The following ST6GALNAC3 variants were observed in gnomAD, a reference collection of about 807,000 sequenced individuals.
ST6GALNAC3 encodes the protein alpha-N-acetylgalactosaminide alpha-2,6-sialyltransferase 3.
ST6GALNAC3 carries 25 observed loss-of-function variants against 32.7 expected under a neutral mutation model. The observed-to-expected ratio is 0.76, with a 90% CI of 0.56 to 1.07. The LOEUF is 1.07. Ranked by LOEUF, ST6GALNAC3 falls within the 50% of genes least tolerant of loss-of-function variation. ST6GALNAC3 has a pLI of 0.00. For synonymous variants in ST6GALNAC3, 129 were observed against 133.1 expected (o/e 0.97, Z 0.21); for missense variants, 355 against 382.4 (o/e 0.93, Z 0.60).
intron 1 of ST6GALNAC3, among the ~76,000 whole-genome samples, chr1:76,281,376 G>T (rs1005394708): frequency 6.6e-6 from 1 of 152,188 alleles, no homozygotes; most frequent in African/African-American, 2.4e-5. Flanking sequence ...ACTCTCATTT[G>T]GTTCCACCCT....
At chr1:76,361,444 TA>T (rs1456286949) in intron 2 of ST6GALNAC3, among the ~76,000 whole-genome samples, 1 of 152,194 alleles carries the variant, frequency 6.6e-6, no homozygotes, top group Non-Finnish European at 1.5e-5. Context: ...CCATTTTACA[TA>T]TATACCACAT....
intron 1 of ST6GALNAC3, among the ~76,000 whole-genome samples, chr1:76,108,436 A>G (rs1571166479): frequency 6.6e-6 from 1 of 152,214 alleles, no homozygotes; most frequent in Non-Finnish European, 1.5e-5. Context: ...AGCTTGGTGC[A>G]CTACCTTTCT....
At chr1:76,280,718 C>A (rs1198495383) in intron 1 of ST6GALNAC3, among the ~76,000 whole-genome samples, 2 of 152,188 alleles carry the variant, frequency 1.3e-5, no homozygotes, top group Non-Finnish European at 2.9e-5. Flanking sequence ...TGGATTCAGA[C>A]CTCTTTACAA....
chr1:76,562,555 A>C (rs770476493), intron 3 of ST6GALNAC3, among the ~76,000 whole-genome samples: 4 of 152,092 alleles, frequency 2.6e-5, no homozygotes, highest in Admixed American at 6.6e-5. Context: ...TAGAAACCTC[A>C]CTTTATTTGA....
At chr1:76,460,998 G>T (rs1405969593) in intron 3 of ST6GALNAC3, among the ~76,000 whole-genome samples, 2 of 152,232 alleles carry the variant, frequency 1.3e-5, no homozygotes, top group Admixed American at 1.3e-4. Flanking sequence ...TGAGTAAGGT[G>T]AGTAGGAGTA....
At chr1:76,130,895 G>A (rs139575867) in intron 1 of ST6GALNAC3, among the ~76,000 whole-genome samples, 9 of 152,354 alleles carry the variant, frequency 5.9e-5, no homozygotes, top group Non-Finnish European at 1.3e-4. Context: ...GACATTTGAA[G>A]TTTCATGCAG....
At chr1:76,533,252 C>T (rs1240370591) in intron 3 of ST6GALNAC3, among the ~76,000 whole-genome samples, 1 of 152,148 alleles carries the variant, frequency 6.6e-6, no homozygotes, top group African/African-American at 2.4e-5. Context: ...AAGTCCTGTA[C>T]AAAGAACCAA....
At chr1:76,349,786 C>T (rs1030218924) in intron 2 of ST6GALNAC3, among the ~76,000 whole-genome samples, 2 of 152,230 alleles carry the variant, frequency 1.3e-5, no homozygotes, top group South Asian at 4.1e-4. Context: ...ATTATGTTAG[C>T]ATTTTGGTTC....
At chr1:76,117,377 C>T (rs1249142349) in intron 1 of ST6GALNAC3, among the ~76,000 whole-genome samples, 1 of 152,212 alleles carries the variant, frequency 6.6e-6, no homozygotes, top group Non-Finnish European at 1.5e-5. Flanking sequence ...GACAAGATAA[C>T]TTACGGACTT....
In ST6GALNAC3 at chr1:76,188,932, A is replaced by C. The variant is rs115639458; in HGVS notation, c.18+114048A>C. 5.3e-3 allele frequency among the ~76,000 whole-genome samples: 800 copies of C among 152,280 alleles called. 7 individuals carry two copies. Among genetic ancestry groups the C allele is most frequent in the African/African-American group, 0.018 (752 of 41,558 alleles). ...CCATGCTGCTCAAGGGTCCAAAGGAACTTTGGAGTACTTTGTAATCCTGCT... is the reference window on the plus strand; with the variant it reads ...CCATGCTGCTCAAGGGTCCAAAGGACCTTTGGAGTACTTTGTAATCCTGCT... On this transcript the variant is annotated intron_variant, in intron 1 of 4. Transcript: ENST00000328299.
In ST6GALNAC3 at chr1:76,074,878, CCTGAAGGTAA is replaced by C. The variant is rs1557591558; in HGVS notation, c.14_18+5del. On this transcript the variant is annotated splice_donor_variant and splice_donor_region_variant and coding_sequence_variant and intron_variant, in exon 1 of 5. Transcript: ENST00000328299. LOFTEE classifies it high-confidence loss of function. ...GCCGGCGGAGCGCCATGGCCTGCAT[CCTGAAGGTAA>C]CGACTTGGATCTGTGGCTCGGACGC... 6.3e-7 allele frequency: 1 copy of C among 1,596,406 alleles called. No individual in the cohort carries two copies.
At chr1:76,377,226 C>G (rs1419199326) in intron 2 of ST6GALNAC3, among the ~76,000 whole-genome samples, 2 of 152,150 alleles carry the variant, frequency 1.3e-5, no homozygotes, top group African/African-American at 4.8e-5. Context: ...AAATTGAAAA[C>G]TGGGGGCTGT....
chr1:76,320,251 T>A (rs1646940884), intron 2 of ST6GALNAC3, among the ~76,000 whole-genome samples: 1 of 152,192 alleles, frequency 6.6e-6, no homozygotes, highest in Non-Finnish European at 1.5e-5. Context: ...TGACTCCCAG[T>A]AGGCCAAGGA....
At chr1:76,554,156 G>T (rs999748635) in intron 3 of ST6GALNAC3, among the ~76,000 whole-genome samples, 4 of 152,158 alleles carry the variant, frequency 2.6e-5, no homozygotes, top group African/African-American at 9.7e-5. Flanking sequence ...ACTCCTGGGA[G>T]TTATCTCCTT....
intron 2 of ST6GALNAC3, among the ~76,000 whole-genome samples, chr1:76,358,326 A>G (rs1042666814): frequency 1.3e-5 from 2 of 152,216 alleles, no homozygotes; most frequent in South Asian, 4.1e-4. Context: ...AAAATGCTTC[A>G]GAGGACCCAA....
chr1:76,606,342 A>G (rs1647543128), intron 3 of ST6GALNAC3, among the ~76,000 whole-genome samples: 1 of 152,244 alleles, frequency 6.6e-6, no homozygotes, highest in South Asian at 2.1e-4. Context: ...CAGACTGGAT[A>G]AAGAATATAT....
At chr1:76,625,645 C>T (rs1172313404) in intron 3 of ST6GALNAC3, among the ~76,000 whole-genome samples, 2 of 151,850 alleles carry the variant, frequency 1.3e-5, no homozygotes, top group African/African-American at 2.4e-5. Flanking sequence ...GTGCTTTAAG[C>T]AATTCCCATC....
At chr1:76,078,035 A>T (rs1414176501) in intron 1 of ST6GALNAC3, among the ~76,000 whole-genome samples, 1 of 152,206 alleles carries the variant, frequency 6.6e-6, no homozygotes, top group Non-Finnish European at 1.5e-5. Flanking sequence ...AGGAGAGAGC[A>T]ATTACCCCTG....
chr1:76,382,631 G>A (rs558571807), intron 2 of ST6GALNAC3, among the ~76,000 whole-genome samples: 1 of 152,144 alleles, frequency 6.6e-6, no homozygotes, highest in Admixed American at 6.5e-5. Context: ...TTCTGGTGCT[G>A]GTCCCTGACA....
Sources: gnomAD v4.1 joint callset for allele counts (sites outside exome capture counted in the v4.1 genomes callset) on GRCh38, gnomAD v4.1.1 for gene constraint, MANE v1.5 for transcripts, NCBI Gene and HGNC (gene_info 2026-07-23, HGNC 2026-07-21) for gene names.